The following KCNMB4 variants were observed in gnomAD, a reference collection of about 807,000 sequenced individuals.
KCNMB4 encodes the protein potassium calcium-activated channel subfamily M regulatory beta subunit 4, also known as calcium-activated potassium channel subunit beta-4.
Under a neutral mutation model 20.7 loss-of-function variants are expected in KCNMB4, and 3 were observed. The observed-to-expected ratio is 0.14, with a 90% CI of 0.07 to 0.37. The LOEUF is 0.37. KCNMB4 is among the 10% of genes least tolerant of loss of function. The pLI, the probability that KCNMB4 is intolerant of heterozygous loss-of-function variation, is 1.00. For missense variants in KCNMB4, 168 were observed against 265.9 expected (o/e 0.63, Z 2.56); for synonymous variants, 110 against 113.4 (o/e 0.97, Z 0.19).
chr12:70,401,477 A>G (rs1202122876), intron 2 of KCNMB4, among the ~76,000 whole-genome samples: 1 of 152,174 alleles, frequency 6.6e-6, no homozygotes, highest in East Asian at 1.9e-4. Context: ...GCCACTCTCC[A>G]TAGTACTGCC....
chr12:70,415,838 G>C (rs1272292522), intron 2 of KCNMB4, among the ~76,000 whole-genome samples: 2 of 152,114 alleles, frequency 1.3e-5, no homozygotes, highest in African/African-American at 4.8e-5. Context: ...GCATTATTCT[G>C]GGTAATGGGA....
intron 2 of KCNMB4, among the ~76,000 whole-genome samples, chr12:70,421,774 G>A (rs866386193): frequency 2.3e-4 from 35 of 151,900 alleles, no homozygotes; most frequent in African/African-American, 6.0e-4. Flanking sequence ...GTAGAGACGA[G>A]GTTTCACTAT....
chr12:70,427,171 AC>A (rs1869237280), intron 2 of KCNMB4, among the ~76,000 whole-genome samples: 2 of 152,226 alleles, frequency 1.3e-5, no homozygotes, highest in Non-Finnish European at 2.9e-5. Flanking sequence ...CCATATAATT[AC>A]GGCAAATTGA....
chr12:70,429,138 G>C (rs1010357010), intron 2 of KCNMB4, among the ~76,000 whole-genome samples: 2 of 152,190 alleles, frequency 1.3e-5, no homozygotes, highest in Non-Finnish European at 2.9e-5. Context: ...CAGGGAAAAT[G>C]GGTTCTGAAT....
intron 1 of KCNMB4, among the ~76,000 whole-genome samples, chr12:70,387,405 T>G (rs1160669443): frequency 3.5e-5 from 5 of 142,724 alleles, no homozygotes; most frequent in African/African-American, 1.1e-4. Flanking sequence ...TTAATTTTTT[T>G]TTTTTTTTTT....
At chr12:70,378,600 G>C (rs758377281) in intron 1 of KCNMB4, among the ~76,000 whole-genome samples, 74 of 152,206 alleles carry the variant, frequency 4.9e-4, no homozygotes, top group Middle Eastern at 6.8e-3. Context: ...ACAATGGTGT[G>C]GTCTTGGCTC....
intron 1 of KCNMB4, among the ~76,000 whole-genome samples, chr12:70,379,227 A>C (rs1883741741): frequency 6.6e-6 from 1 of 152,160 alleles, no homozygotes; most frequent in African/African-American, 2.4e-5. Context: ...AGCCTCTAAC[A>C]AGAGTCAGCC....
intron 2 of KCNMB4, among the ~76,000 whole-genome samples, chr12:70,416,557 T>C (rs1209457410): frequency 3.3e-5 from 5 of 152,206 alleles, no homozygotes; most frequent in African/African-American, 9.6e-5. Context: ...GTCACCACTT[T>C]AATTGTTATG....
Position 70,370,771 on chromosome 12 carries a change from C to CAA in KCNMB4, c.336+3713_336+3714dup, listed in dbSNP as rs57014123. On this transcript the variant is annotated intron_variant, in intron 1 of 2. Transcript: ENST00000258111. ...TGCATAATTATATACATTGGATGGCCAAAAAAAAAAAAAGGTGAGTTTTTA... is the reference window on the plus strand; with the variant it reads ...TGCATAATTATATACATTGGATGGCCAAAAAAAAAAAAAAAGGTGAGTTTTTA... Among the ~76,000 whole-genome samples, 143 of 141,568 alleles carry CAA rather than the reference C, an allele frequency of 1.0e-3. 1 individual carries two copies. The highest frequency in any genetic ancestry group is 2.2e-3 in the African/African-American group (86 of 39,148). 92.9% of individuals were successfully genotyped at this position (141,568 alleles called of 152,430 possible). A position where few individuals can be genotyped will look rare whatever the true frequency, so the allele number is the denominator to read the frequency against.
rs746616259 is a variant in KCNMB4, at chr12:70,433,510, G to A, written c.*2857G>A. ...ATTACAGCCATCACTTCTGCCCACC[G>A]TCCATTCATGAATACTTACTATATA... On this transcript the variant is annotated 3_prime_UTR_variant, in exon 3 of 3. Coordinates refer to ENST00000258111, the MANE Select transcript of KCNMB4 (RefSeq NM_014505.6). The A allele has an allele frequency of 9.9e-5, 15 of 152,146 alleles. No homozygotes were observed. The highest frequency in any genetic ancestry group is 1.3e-4 in the Non-Finnish European group (9 of 68,042). The allele number at this position is 152,146 out of a possible 1,614,324, so 9.4% of individuals were successfully genotyped here.
chr12:70,406,628 G>A (rs947612688), intron 2 of KCNMB4, among the ~76,000 whole-genome samples: 3 of 152,114 alleles, frequency 2.0e-5, no homozygotes, highest in South Asian at 2.1e-4. Flanking sequence ...GTTTCAGAAC[G>A]TTCCTGAGCT....
rs867170083 is a variant in KCNMB4 at position 70,434,263 on chromosome 12, G to C, written c.*3610G>C. 6.6e-6 allele frequency: 1 copy of C among 152,162 alleles called. No individual in the cohort carries two copies. The highest frequency in any genetic ancestry group is 1.5e-5 in the Non-Finnish European group (1 of 68,046). 9.4% of individuals were successfully genotyped at this position (152,162 alleles called of 1,614,324 possible). A position where few individuals can be genotyped will look rare whatever the true frequency, so the allele number is the denominator to read the frequency against. ...TGCCCTATCTCCCTGGAAAGTCTCA[G>C]TATGTGAGTAATAAACCTTTTTATA... On this transcript the variant is annotated 3_prime_UTR_variant, in exon 3 of 3. Coordinates refer to ENST00000258111, the MANE Select transcript of KCNMB4 (RefSeq NM_014505.6).
At chr12:70,409,181 G>A (rs902776153) in intron 2 of KCNMB4, among the ~76,000 whole-genome samples, 2 of 152,108 alleles carry the variant, frequency 1.3e-5, no homozygotes, top group Non-Finnish European at 2.9e-5. Flanking sequence ...AGTACACGGA[G>A]CAGGCTTACA....
intron 2 of KCNMB4, among the ~76,000 whole-genome samples, chr12:70,402,310 G>T (rs1593337075): frequency 6.6e-6 from 1 of 151,938 alleles, no homozygotes; most frequent in Admixed American, 6.6e-5. Context: ...TTGACTCAAA[G>T]CATCATAAAG....
chr12:70,383,481 TGTCTTAGG>T (rs1376755141), intron 1 of KCNMB4, among the ~76,000 whole-genome samples: 1 of 152,144 alleles, frequency 6.6e-6, no homozygotes, highest in African/African-American at 2.4e-5. Context: ...GAAAAATACA[TGTCTTAGG>T]GTCTTAGGGC....
At chr12:70,396,515 AGGCT>A (rs1232484139) in intron 1 of KCNMB4, among the ~76,000 whole-genome samples, 1 of 152,164 alleles carries the variant, frequency 6.6e-6, no homozygotes, top group East Asian at 1.9e-4. Context: ...CCTGCTGTCC[AGGCT>A]GGTCTCAAAC....
chr12:70,426,460 C>T (rs1869218661), intron 2 of KCNMB4, among the ~76,000 whole-genome samples: 1 of 152,162 alleles, frequency 6.6e-6, no homozygotes, highest in African/African-American at 2.4e-5. Context: ...CATCTCAGAG[C>T]TTCTCCAAAA....
chr12:70,391,751 G>A (rs1444571579), intron 1 of KCNMB4, among the ~76,000 whole-genome samples: 2 of 152,212 alleles, frequency 1.3e-5, no homozygotes, highest in East Asian at 1.9e-4. Flanking sequence ...GGAGACCAAG[G>A]ATGAGCATTC....
At chr12:70,384,391 G>A (rs561071992) in intron 1 of KCNMB4, among the ~76,000 whole-genome samples, 2 of 152,076 alleles carry the variant, frequency 1.3e-5, no homozygotes, top group Non-Finnish European at 2.9e-5. Context: ...GGAGAGGATC[G>A]ATGTATTAAG....
Sources: allele counts gnomAD v4.1 joint callset (sites outside exome capture counted in the v4.1 genomes callset), GRCh38; gene constraint gnomAD v4.1.1; transcripts MANE v1.5; gene names NCBI Gene and HGNC (gene_info 2026-07-23, HGNC 2026-07-21).